SORCS2: variants seen among roughly 807,000 people sequenced by gnomAD.
SORCS2 encodes the protein sortilin related VPS10 domain containing receptor 2.
A neutral mutation model predicts 141.6 loss-of-function variants in SORCS2; 100 were observed. The observed-to-expected ratio is 0.71, with a 90% CI of 0.60 to 0.83. The LOEUF is 0.83. Ranked by LOEUF, SORCS2 falls within the 40% of genes least tolerant of loss-of-function variation. The pLI, the probability that SORCS2 is intolerant of heterozygous loss-of-function variation, is 0.00. For missense variants in SORCS2, 1,646 were observed against 1,560.2 expected (o/e 1.05, Z -0.93); for synonymous variants, 789 against 676.9 (o/e 1.17, Z -2.57).
intron 2 of SORCS2, among the ~76,000 whole-genome samples, chr4:7,478,537 GT>G (rs1236091276): frequency 6.6e-6 from 1 of 152,070 alleles, no homozygotes; most frequent in Non-Finnish European, 1.5e-5. Context: ...AGTCTGTCAT[GT>G]TCTCCGCTGA....
At chr4:7,247,912 G>T (rs1399192509) in intron 1 of SORCS2, among the ~76,000 whole-genome samples, 1 of 152,194 alleles carries the variant, frequency 6.6e-6, no homozygotes, top group East Asian at 1.9e-4. Context: ...TCCTAGGAGG[G>T]CGCGACTCTG....
intron 3 of SORCS2, among the ~76,000 whole-genome samples, chr4:7,630,802 G>T (rs1157798187): frequency 1.3e-5 from 2 of 152,188 alleles, no homozygotes; most frequent in African/African-American, 4.8e-5. Flanking sequence ...TCAAAGCCAA[G>T]TTGTCTGTAC....
intron 3 of SORCS2, among the ~76,000 whole-genome samples, chr4:7,579,548 C>T (rs1716002031): frequency 6.6e-6 from 1 of 152,192 alleles, no homozygotes; most frequent in Non-Finnish European, 1.5e-5. Flanking sequence ...CCTCCTTTGG[C>T]TGCTCTCCTG....
At chr4:7,500,634 G>A (rs553394430) in intron 2 of SORCS2, among the ~76,000 whole-genome samples, 3 of 151,512 alleles carry the variant, frequency 2.0e-5, no homozygotes, top group South Asian at 4.2e-4. Context: ...CCAGTGTGCC[G>A]GCTGGAGAAA....
chr4:7,624,853 C>T (rs1719422255), intron 3 of SORCS2, among the ~76,000 whole-genome samples: 1 of 152,246 alleles, frequency 6.6e-6, no homozygotes, highest in South Asian at 2.1e-4. Flanking sequence ...ACCGTATTCA[C>T]TCTAGAGCCT....
At chr4:7,615,741 G>A (rs774756676) in intron 3 of SORCS2, among the ~76,000 whole-genome samples, 3 of 151,230 alleles carry the variant, frequency 2.0e-5, no homozygotes, top group Non-Finnish European at 2.9e-5. Flanking sequence ...CCGCAGACCT[G>A]AGCTTCCCTC....
At chr4:7,633,503 C>T (rs190409559) in intron 3 of SORCS2, among the ~76,000 whole-genome samples, 264 of 152,312 alleles carry the variant, frequency 1.7e-3, no homozygotes, top group African/African-American at 6.2e-3. Flanking sequence ...TGCCATTTTC[C>T]CTCTTCTGTG....
intron 2 of SORCS2, among the ~76,000 whole-genome samples, chr4:7,520,404 C>T (rs1451502781): frequency 6.6e-6 from 1 of 152,190 alleles, no homozygotes; most frequent in Non-Finnish European, 1.5e-5. Context: ...GGTCCGAGGT[C>T]ATGCCCCTAT....
chr4:7,205,682 G>A (rs1372015760), intron 1 of SORCS2, among the ~76,000 whole-genome samples: 1 of 152,230 alleles, frequency 6.6e-6, no homozygotes, highest in East Asian at 1.9e-4. Flanking sequence ...AGAGGCCATT[G>A]TTTCTGCATC....
intron 9 of SORCS2, among the ~76,000 whole-genome samples, chr4:7,677,140 G>T (rs1469789810): frequency 6.6e-6 from 1 of 152,024 alleles, no homozygotes; most frequent in Non-Finnish European, 1.5e-5. Flanking sequence ...CACCTACGAA[G>T]CTCTGGCCTC....
chr4:7,570,766 A>C (rs915843791), intron 3 of SORCS2, among the ~76,000 whole-genome samples: 7 of 151,994 alleles, frequency 4.6e-5, no homozygotes, highest in African/African-American at 1.5e-4. Flanking sequence ...CCCAGTTCTC[A>C]TCCAGAGGGG....
intron 3 of SORCS2, among the ~76,000 whole-genome samples, chr4:7,543,996 T>TCATC (rs1400090301): frequency 7.8e-5 from 2 of 25,562 alleles, no homozygotes; most frequent in Non-Finnish European, 1.5e-4. Context: ...ATCCATCCAC[T>TCATC]CATCCATCCA....
intron 3 of SORCS2, among the ~76,000 whole-genome samples, chr4:7,631,755 A>G (rs139833635): frequency 4.8e-4 from 73 of 152,232 alleles, no homozygotes; most frequent in Admixed American, 2.4e-3. Flanking sequence ...GCCAAGAGGG[A>G]AGAATGAATG....
intron 3 of SORCS2, among the ~76,000 whole-genome samples, chr4:7,617,626 C>T (rs1022757956): frequency 6.6e-6 from 1 of 152,166 alleles, no homozygotes; most frequent in Non-Finnish European, 1.5e-5. Context: ...GCAAGGAGTG[C>T]TTCATAGAGG....
chr4:7,458,128 G>C (rs1029903937), intron 2 of SORCS2, among the ~76,000 whole-genome samples: 2 of 152,154 alleles, frequency 1.3e-5, no homozygotes, highest in East Asian at 1.9e-4. Flanking sequence ...AGGGAGGGAA[G>C]GGTCTTCCGG....
intron 1 of SORCS2, among the ~76,000 whole-genome samples, chr4:7,221,146 C>T (rs1285050224): frequency 6.6e-6 from 1 of 152,190 alleles, no homozygotes; most frequent in African/African-American, 2.4e-5. Flanking sequence ...TGTGGGTTGA[C>T]AAGATGTCCC....
chr4:7,503,900 G>A (rs942447755), intron 2 of SORCS2, among the ~76,000 whole-genome samples: 1 of 152,164 alleles, frequency 6.6e-6, no homozygotes, highest in African/African-American at 2.4e-5. Flanking sequence ...GGCAGCGTCG[G>A]GGGGCTGAGG....
intron 3 of SORCS2, among the ~76,000 whole-genome samples, chr4:7,621,393 ATG>A (rs941462989): frequency 4.0e-5 from 6 of 148,626 alleles, no homozygotes; most frequent in Admixed American, 1.3e-4. Context: ...GTGAGTGTTT[ATG>A]TGTGTGTCTG....
intron 1 of SORCS2, among the ~76,000 whole-genome samples, chr4:7,340,302 A>AG (rs1204471045): frequency 1.3e-5 from 2 of 152,220 alleles, no homozygotes; most frequent in African/African-American, 2.4e-5. Context: ...CATTGCACAC[A>AG]GTGGGGCAGG....
Sources: gnomAD v4.1 joint callset for allele counts (sites outside exome capture counted in the v4.1 genomes callset) on GRCh38, gnomAD v4.1.1 for gene constraint, MANE v1.5 for transcripts, NCBI Gene and HGNC (gene_info 2026-07-23, HGNC 2026-07-21) for gene names.